The following GPHN variants were observed in gnomAD, a reference collection of about 807,000 sequenced individuals.
GPHN encodes the protein gephyrin.
In GPHN, 17 loss-of-function variants were observed where a neutral mutation model predicts 95.5. The ratio of observed to expected loss-of-function variants is 0.18; its 90% CI spans 0.12 to 0.27. The LOEUF is 0.27. Ranked by LOEUF, GPHN falls within the 10% of genes least tolerant of loss-of-function variation. GPHN has a pLI of 1.00. For synonymous variants in GPHN, 320 were observed against 322.5 expected (o/e 0.99, Z 0.08); for missense variants, 660 against 978.1 (o/e 0.67, Z 4.34).
intron 20 of GPHN, among the ~76,000 whole-genome samples, chr14:67,166,662 TTTTG>T (rs113684530): frequency 7.9e-5 from 12 of 152,148 alleles, no homozygotes; most frequent in East Asian, 1.9e-4. Context: ...GTTTTGTGTT[TTTTG>T]TTTGTTTGTT....
chr14:67,316,097 AAAAAT>A, the GPHN span, among the ~76,000 whole-genome samples: 5 of 152,372 alleles, frequency 3.3e-5, no homozygotes, highest in Admixed American at 2.0e-4. Flanking sequence ...AAGTAGATTT[AAAAAT>A]AAAATAAAAA....
chr14:66,889,964 A>G (rs936950305), intron 5 of GPHN, among the ~76,000 whole-genome samples: 15 of 152,330 alleles, frequency 9.8e-5, no homozygotes, highest in Middle Eastern at 3.4e-3. Flanking sequence ...AAAAAGGACT[A>G]GAAGAGTACA....
chr14:67,319,208 T>TC, the GPHN span, among the ~76,000 whole-genome samples: 94 of 152,278 alleles, frequency 6.2e-4, 1 homozygote, highest in African/African-American at 2.2e-3. Flanking sequence ...CCTAAGATGG[T>TC]CCCCTAACCT....
chr14:66,954,671 T>C (rs375492477), intron 8 of GPHN, among the ~76,000 whole-genome samples: 2 of 152,196 alleles, frequency 1.3e-5, no homozygotes, highest in East Asian at 1.9e-4. Flanking sequence ...TTAAGTAGAA[T>C]TGGCCTGAGT....
At chr14:66,967,753 G>A (rs8012063) in intron 9 of GPHN, among the ~76,000 whole-genome samples, 47,676 of 151,522 alleles carry the variant, frequency 0.31, 11,648 homozygotes, top group African/African-American at 0.66. Flanking sequence ...TAAATACAAT[G>A]CATGCTAAGA....
the GPHN span, chr14:67,727,490 T>TTTTTTTTTTG: frequency 2.8e-6 from 1 of 352,570 alleles, no homozygotes. Flanking sequence ...TTTTTGTTTT[T>TTTTTTTTTTG]TTTTTTTTGA....
At chr14:66,554,471 C>T (rs890574740) in intron 1 of GPHN, among the ~76,000 whole-genome samples, 2 of 152,000 alleles carry the variant, frequency 1.3e-5, no homozygotes, top group South Asian at 2.1e-4. Flanking sequence ...ATAATCGTGG[C>T]GGAAGGCAAA....
the GPHN span, among the ~76,000 whole-genome samples, chr14:67,476,597 A>G: frequency 6.6e-6 from 1 of 152,080 alleles, no homozygotes; most frequent in Non-Finnish European, 1.5e-5. Flanking sequence ...CAAAAAATAT[A>G]TTTATAAATA....
At chr14:66,746,338 T>A (rs2058149227) in intron 2 of GPHN, among the ~76,000 whole-genome samples, 1 of 152,216 alleles carries the variant, frequency 6.6e-6, no homozygotes, top group Non-Finnish European at 1.5e-5. Flanking sequence ...TGTATTACTT[T>A]ATAAGACTCT....
intron 4 of GPHN, among the ~76,000 whole-genome samples, chr14:66,826,306 C>CG (rs1566985992): frequency 6.6e-6 from 1 of 152,134 alleles, no homozygotes; most frequent in East Asian, 1.9e-4. Context: ...TGACCATAGA[C>CG]GGAGTGCTTT....
intron 5 of GPHN, among the ~76,000 whole-genome samples, chr14:66,898,102 C>T (rs891747391): frequency 6.6e-6 from 1 of 151,912 alleles, no homozygotes; most frequent in Non-Finnish European, 1.5e-5. Flanking sequence ...GTTCTAGAAA[C>T]CTGTCCTTCG....
rs543684936 is a variant in GPHN at position 66,838,940 on chromosome 14, A to G, written c.294+14374A>G. Among the ~76,000 whole-genome samples the G allele has an allele frequency of 2.0e-5, 3 of 152,358 alleles. 1 individual carries two copies. The South Asian group carries it at 6.2e-4, about 32-fold the overall frequency. On this transcript the variant is annotated intron_variant, in intron 4 of 22. Coordinates refer to ENST00000478722, the MANE Select transcript of GPHN (RefSeq NM_020806.5). Reference sequence around the variant, plus strand: ...CTGCCTGCCATAAAAGGCATCTGATAGGGATTCAGAAAGTAGATTGAGGCA... The same window carrying G: ...CTGCCTGCCATAAAAGGCATCTGATGGGGATTCAGAAAGTAGATTGAGGCA...
chr14:67,638,052 CA>C, the GPHN span, among the ~76,000 whole-genome samples: 1 of 152,170 alleles, frequency 6.6e-6, no homozygotes, highest in East Asian at 1.9e-4. Flanking sequence ...ATGAGAGCCA[CA>C]AGCCAGGTCT....
rs542089540 is a variant in GPHN, at chr14:66,623,805, G to A, written c.65-57302G>A. ...GAACTTTCATGGCTTTATTGGATAC[G>A]GGTTACCAGATCACCATCCTTGGTC... On this transcript the variant is annotated intron_variant, in intron 1 of 22. Coordinates refer to ENST00000478722, the MANE Select transcript of GPHN (RefSeq NM_020806.5). Among the ~76,000 whole-genome samples, 7 of 152,092 alleles carry A rather than the reference G, an allele frequency of 4.6e-5. No homozygotes were observed. In the East Asian group the frequency reaches 7.7e-4, roughly 17 times the overall value.
intron 1 of GPHN, among the ~76,000 whole-genome samples, chr14:66,650,384 T>C (rs958283755): frequency 6.6e-6 from 1 of 152,204 alleles, no homozygotes; most frequent in Non-Finnish European, 1.5e-5. Flanking sequence ...GAGACCATCA[T>C]TCTTAGTGGC....
intron 12 of GPHN, 59 bp downstream of exon 12, chr14:67,089,134 T>TTTTTTTTTTTTTTTTTTTTTTTTTTTTTG: frequency 6.7e-6 from 1 of 149,820 alleles, no homozygotes; most frequent in Non-Finnish European, 1.0e-5. Context: ...TCTTTTTTTC[T>TTTTTTTTTTTTTTTTTTTTTTTTTTTTTG]TTTTTTTTTT....
At chr14:66,872,433 A>G (rs1419342594) in intron 4 of GPHN, among the ~76,000 whole-genome samples, 2 of 152,184 alleles carry the variant, frequency 1.3e-5, no homozygotes, top group Admixed American at 1.3e-4. Flanking sequence ...TTCACCCTCA[A>G]GTTTTAGCCT....
the GPHN span, among the ~76,000 whole-genome samples, chr14:67,345,454 C>T: frequency 1.3e-5 from 2 of 151,868 alleles, no homozygotes; most frequent in African/African-American, 2.4e-5. Context: ...ACTTGGGAGG[C>T]TGAGGCAGAA....
At chr14:66,951,352 A>C (rs2068098331) in intron 8 of GPHN, among the ~76,000 whole-genome samples, 1 of 151,996 alleles carries the variant, frequency 6.6e-6, no homozygotes, top group African/African-American at 2.4e-5. Flanking sequence ...CCCCGTCTCT[A>C]CTAAAATACA....
Sources: gnomAD v4.1 joint callset for allele counts (sites outside exome capture counted in the v4.1 genomes callset) on GRCh38, gnomAD v4.1.1 for gene constraint, MANE v1.5 for transcripts, NCBI Gene and HGNC (gene_info 2026-07-23, HGNC 2026-07-21) for gene names.